Variants in GTF3C5 observed in about 807,000 individuals in gnomAD.
GTF3C5 encodes the protein general transcription factor 3C polypeptide 5.
In GTF3C5, 47 loss-of-function variants were observed where a neutral mutation model predicts 61.0. The ratio of observed to expected loss-of-function variants is 0.77; its 90% CI spans 0.61 to 0.98. The LOEUF (loss-of-function observed/expected upper bound fraction) is 0.98, where lower values mean the gene tolerates loss of function less well. Among genes scored for constraint, GTF3C5 ranks in the 50% least tolerant of loss-of-function variants. The probability of loss-of-function intolerance (pLI) is 0.00; values close to 1 mark genes in which losing one functional copy is unlikely to be tolerated. For synonymous variants in GTF3C5, 295 were observed against 275.4 expected (o/e 1.07, Z -0.71); for missense variants, 659 against 703.3 (o/e 0.94, Z 0.71).
chr9:133,031,048 G>T lies in GTF3C5; in HGVS notation c.37G>T (p.Ala13Ser). ...AEAADLGLGA[A>S]VPVELRRERR... is the part of the protein sequence containing the mutation. ...GGCGGCCGATTTGGGGCTGGGGGCC[G>T]CCGTCCCCGTGGAGCTGAGGCGGGA... is the stretch of plus-strand genomic sequence containing the variant. Residue 13 changes from alanine (A) to serine (S), a missense_variant, in exon 1 of 11, where the codon GCC becomes TCC. Transcript: ENST00000372097. 6.2e-7 allele frequency: 1 copy of T among 1,611,826 alleles called. No individual in the cohort carries two copies. Among genetic ancestry groups the T allele is most frequent in the Non-Finnish European group, 8.5e-7 (1 of 1,178,988 alleles).
chr9:133,056,879 T>G lies in GTF3C5; in HGVS notation c.1364T>G (p.Ile455Ser). ...CTCAGGGACACCATGTCCCTCATGATCCGGCAGACCATCCGCTCCAAGAGG... is the reference window on the plus strand; with the variant it reads ...CTCAGGGACACCATGTCCCTCATGAGCCGGCAGACCATCCGCTCCAAGAGG... Reference protein sequence around the residue: ...DELRDTMSLMIRQTIRSKRPA... With the variant: ...DELRDTMSLMSRQTIRSKRPA... The change falls in exon 10 of 11, where the codon ATC becomes AGC. Residue 455 changes from isoleucine (I) to serine (S), a missense_variant. Ile to Ser is a moderately radical substitution (Grantham distance 142). Transcript: ENST00000372097. The G allele has an allele frequency of 6.2e-7, 1 of 1,607,756 alleles. No homozygotes were observed. Among genetic ancestry groups the G allele is most frequent in the Non-Finnish European group, 8.5e-7 (1 of 1,177,122 alleles).
chr9:133,032,618 T>A (rs1238459013), intron 1 of GTF3C5, among the ~76,000 whole-genome samples: 1 of 152,192 alleles, frequency 6.6e-6, no homozygotes, highest in East Asian at 1.9e-4. Flanking sequence ...CTTGGTTTTC[T>A]AAAAGTAGAA....
chr9:133,054,230 C>T (rs1051822613), intron 6 of GTF3C5, among the ~76,000 whole-genome samples, 178 bp from the exon 7 acceptor site: 7 of 152,218 alleles, frequency 4.6e-5, no homozygotes, highest in African/African-American at 7.2e-5. Context: ...CATCAGTGCC[C>T]GCCCTGCCTG....
At chr9:133,050,596 TC>T (rs1850340588) in intron 3 of GTF3C5, among the ~76,000 whole-genome samples, 186 bp from the exon 4 acceptor site, 1 of 152,232 alleles carries the variant, frequency 6.6e-6, no homozygotes, top group South Asian at 2.1e-4. Flanking sequence ...TGGCTGCGTC[TC>T]TTCCTCTGTG....
At chr9:133,054,103 A>C (rs1829845363) in intron 6 of GTF3C5, among the ~76,000 whole-genome samples, 161 bp downstream of exon 6, 1 of 152,222 alleles carries the variant, frequency 6.6e-6, no homozygotes, top group Admixed American at 6.5e-5. Context: ...CGTGGAAACG[A>C]AAGTCCTAGT....
Position 133,049,843 on chromosome 9 carries a change from GC to G in GTF3C5, c.573-934del, listed in dbSNP as rs1368646821. ...AATAAGGCGCAGCGATTTCTCCTAT[GC>G]CCCCCAGCCACCCCCACTCAGCCTC... On this transcript the variant is annotated intron_variant, in intron 3 of 10. Coordinates refer to ENST00000372097, the MANE Select transcript of GTF3C5 (RefSeq NM_012087.4). Among the ~76,000 whole-genome samples, 11 of 151,786 alleles carry G rather than the reference GC, an allele frequency of 7.2e-5. No individual in the cohort carries two copies. In the South Asian group the frequency reaches 1.5e-3, roughly 20 times the overall value.
At chr9:133,037,607 T>C (rs1442366450) in intron 1 of GTF3C5, among the ~76,000 whole-genome samples, 1 of 152,184 alleles carries the variant, frequency 6.6e-6, no homozygotes, top group Non-Finnish European at 1.5e-5. Context: ...TGGTGGTAAG[T>C]AGGTTTAATG....
At chr9:133,049,755 TTGTA>T (rs764661014) in intron 3 of GTF3C5, among the ~76,000 whole-genome samples, 6 of 152,288 alleles carry the variant, frequency 3.9e-5, no homozygotes, top group Non-Finnish European at 7.4e-5. Flanking sequence ...AATCTCTGCT[TTGTA>T]TGTGTGTGTA....
At chr9:133,044,126 C>A in intron 3 of GTF3C5, 200 bp downstream of exon 3, 2 of 219,242 alleles carry the variant, frequency 9.1e-6, no homozygotes, top group Non-Finnish European at 1.6e-5. Flanking sequence ...GCCCGGGTGA[C>A]AGAGTGAGAC....
chr9:133,056,142 C>T (rs1829932093), intron 9 of GTF3C5, 48 bp downstream of exon 9: 3 of 1,528,966 alleles, frequency 2.0e-6, no homozygotes, highest in Non-Finnish European at 2.7e-6. Flanking sequence ...CCGTGGGACC[C>T]AGGGACCAAA....
At chr9:133,048,176 G>A (rs907782598) in intron 3 of GTF3C5, among the ~76,000 whole-genome samples, 6 of 151,566 alleles carry the variant, frequency 4.0e-5, no homozygotes, top group African/African-American at 9.7e-5. Context: ...ACCACAAGCA[G>A]CATACTCTTG....
intron 3 of GTF3C5, among the ~76,000 whole-genome samples, chr9:133,047,153 C>A (rs145136247): frequency 6.6e-6 from 1 of 152,224 alleles, no homozygotes; most frequent in East Asian, 1.9e-4. Flanking sequence ...CAGACAGACT[C>A]GCAATACCAG....
At chr9:133,052,347 C>T (rs1850408332) in intron 5 of GTF3C5, among the ~76,000 whole-genome samples, 183 bp downstream of exon 5, 3 of 150,248 alleles carry the variant, frequency 2.0e-5, no homozygotes, top group Admixed American at 2.0e-4. Flanking sequence ...CTCATCCTTC[C>T]TGCCCTGCCC....
Position 133,055,991 on chromosome 9 carries a change from TCTCTCCCC to T in GTF3C5, c.1168-18_1168-11del. 2 of 1,613,770 alleles carry T rather than the reference TCTCTCCCC, an allele frequency of 1.2e-6. No individual in the cohort carries two copies. Among genetic ancestry groups the T allele is most frequent in the Middle Eastern group, 3.3e-4 (2 of 6,058 alleles). Reference sequence around the variant, plus strand: ...AGGGCTCTGGCTCACCTTCCCTGTCTCTCTCCCCCTTTGTCACCAGGACTCTGTCTACA... The same window carrying T: ...AGGGCTCTGGCTCACCTTCCCTGTCTCTTTGTCACCAGGACTCTGTCTACA... On this transcript the variant is annotated splice_polypyrimidine_tract_variant and intron_variant, in intron 8 of 10. Coordinates refer to ENST00000372097, the MANE Select transcript of GTF3C5 (RefSeq NM_012087.4).
Position 133,055,004 on chromosome 9 carries a change from G to A in GTF3C5, c.1167+195G>A, listed in dbSNP as rs929222230. 7.7e-6 allele frequency: 12 copies of A among 1,551,592 alleles called. No individual in the cohort carries two copies. The Admixed American group carries it at 1.8e-4, about 23-fold the overall frequency. ...GCAAAGCCCCAGGGCTGTGTGTGTT[G>A]GGGACATCTGGCGAAGAGGTGGTGA... On this transcript the variant is annotated intron_variant, in intron 8 of 10. Coordinates refer to ENST00000372097, the MANE Select transcript of GTF3C5 (RefSeq NM_012087.4).
chr9:133,052,942 C>T (rs1160442844), intron 5 of GTF3C5, among the ~76,000 whole-genome samples: 2 of 152,216 alleles, frequency 1.3e-5, no homozygotes, highest in Admixed American at 6.5e-5. Flanking sequence ...AAGTGATTCT[C>T]CTGCCTCAGC....
chr9:133,057,763 C>T, intron 10 of GTF3C5, 51 bp from the exon 11 acceptor site: 1 of 1,512,834 alleles, frequency 6.6e-7, no homozygotes, highest in Non-Finnish European at 8.8e-7. Context: ...TTTCTGGGGC[C>T]ACCCGGCAGC....
At chr9:133,050,363 T>C (rs1850333074) in intron 3 of GTF3C5, among the ~76,000 whole-genome samples, 1 of 152,410 alleles carries the variant, frequency 6.6e-6, no homozygotes, top group Non-Finnish European at 1.5e-5. Context: ...CGTTCTCTCA[T>C]GCAGCTGTGC....
At chr9:133,044,691 C>T (rs1262794677) in intron 3 of GTF3C5, among the ~76,000 whole-genome samples, 1 of 152,218 alleles carries the variant, frequency 6.6e-6, no homozygotes, top group East Asian at 1.9e-4. Context: ...CCTGACCCTG[C>T]CCATCGCCCA....
Sources: allele counts gnomAD v4.1 joint callset (sites outside exome capture counted in the v4.1 genomes callset), GRCh38; gene constraint gnomAD v4.1.1; transcripts MANE v1.5; gene names NCBI Gene and HGNC (gene_info 2026-07-23, HGNC 2026-07-21).